FAM241A: variants seen among roughly 807,000 people sequenced by gnomAD.
The protein encoded by FAM241A is uncharacterized protein FAM241A.
A neutral mutation model predicts 12.2 loss-of-function variants in FAM241A; 7 were observed. The ratio of observed to expected loss-of-function variants is 0.58; its 90% CI spans 0.33 to 1.08. The LOEUF is 1.08. Among genes scored for constraint, FAM241A ranks in the 50% least tolerant of loss-of-function variants. The pLI, the probability that FAM241A is intolerant of heterozygous loss-of-function variation, is 0.04. For missense variants in FAM241A, 161 were observed against 169.7 expected, an observed-to-expected ratio of 0.95 and a Z score of 0.29; for synonymous variants, 74 against 68.2, an observed-to-expected ratio of 1.08 and a Z score of -0.42.
At chr4:112,165,436 A>T (rs966118233) in intron 1 of FAM241A, among the ~76,000 whole-genome samples, 2 of 151,610 alleles carry the variant, frequency 1.3e-5, no homozygotes, top group Non-Finnish European at 2.9e-5. Flanking sequence ...TTAGTATCTC[A>T]AAGAGATATC....
At chr4:112,154,392 C>T (rs1006487386) in intron 1 of FAM241A, among the ~76,000 whole-genome samples, 4 of 152,066 alleles carry the variant, frequency 2.6e-5, no homozygotes, top group African/African-American at 7.2e-5. Flanking sequence ...CTCAGGCTAC[C>T]GAGTTCCTGG....
At chr4:112,180,529 G>T (rs1723912679) in intron 1 of FAM241A, among the ~76,000 whole-genome samples, 1 of 151,996 alleles carries the variant, frequency 6.6e-6, no homozygotes, top group South Asian at 2.1e-4. Flanking sequence ...TTATACCAGT[G>T]TTTCTCAAAA....
chr4:112,174,776 A>T (rs561261736), intron 1 of FAM241A, among the ~76,000 whole-genome samples: 1 of 152,324 alleles, frequency 6.6e-6, no homozygotes, highest in South Asian at 2.1e-4. Flanking sequence ...AGCATTCTCC[A>T]TGCTGTACAT....
At chr4:112,155,806 T>C (rs1018255701) in intron 1 of FAM241A, among the ~76,000 whole-genome samples, 2 of 152,168 alleles carry the variant, frequency 1.3e-5, no homozygotes, top group African/African-American at 4.8e-5. Context: ...TATATTTGGC[T>C]ATATGAGATA....
chr4:112,187,066 T>A lies in FAM241A; in HGVS notation c.*128T>A. ...AATCATGTGCTGGCTGTTTTGTAAG[T>A]AAATTTATACATGGATGTCACTTAA... On this transcript the variant is annotated 3_prime_UTR_variant, in exon 2 of 2. Transcript: ENST00000309733. 2.0e-6 allele frequency: 2 copies of A among 1,008,004 alleles called. No individual in the cohort carries two copies. Among genetic ancestry groups the A allele is most frequent in the Non-Finnish European group, 2.9e-6 (2 of 678,728 alleles). The allele number at this position is 1,008,004 out of a possible 1,614,324, so 62.4% of individuals were successfully genotyped here.
chr4:112,192,734 T>C lies in FAM241A; in HGVS notation c.*5796T>C, dbSNP rs1249103902. On this transcript the variant is annotated 3_prime_UTR_variant, in exon 2 of 2. Transcript: ENST00000309733. ...GTGTATATGTGCCACATTTTCTTAATCCAGTCTATCATTGTTGGACATTTG... is the reference window on the plus strand; with the variant it reads ...GTGTATATGTGCCACATTTTCTTAACCCAGTCTATCATTGTTGGACATTTG... 6.6e-6 allele frequency: 1 copy of C among 150,974 alleles called. No individual in the cohort carries two copies. Among genetic ancestry groups the C allele is most frequent in the Non-Finnish European group, 1.5e-5 (1 of 67,628 alleles). The allele number at this position is 150,974 out of a possible 1,614,324, so 9.4% of individuals were successfully genotyped here. A position where few individuals can be genotyped will look rare whatever the true frequency, so the allele number is the denominator to read the frequency against.
rs1056121425 is a variant in FAM241A, at chr4:112,191,610, A to G, written c.*4672A>G. 6.6e-6 allele frequency: 1 copy of G among 151,802 alleles called. No individual in the cohort carries two copies. Among genetic ancestry groups the G allele is most frequent in the Non-Finnish European group, 1.5e-5 (1 of 68,072 alleles). The allele number at this position is 151,802 out of a possible 1,614,324, so 9.4% of individuals were successfully genotyped here. A position where few individuals can be genotyped will look rare whatever the true frequency, so the allele number is the denominator to read the frequency against. ...CTTTCTTACTTCCAGAACTTTGTAC[A>G]TGCTTTACTTCTTTAACTGCTCCCT... On this transcript the variant is annotated 3_prime_UTR_variant, in exon 2 of 2. Transcript: ENST00000309733.
chr4:112,172,126 A>G (rs1276691849), intron 1 of FAM241A, among the ~76,000 whole-genome samples: 3 of 152,250 alleles, frequency 2.0e-5, no homozygotes, highest in African/African-American at 4.8e-5. Context: ...ACTAAATTAC[A>G]TAATCTCTCT....
chr4:112,148,664 G>A (rs1208215685), intron 1 of FAM241A, among the ~76,000 whole-genome samples: 3 of 152,162 alleles, frequency 2.0e-5, no homozygotes, highest in Non-Finnish European at 1.5e-5. Flanking sequence ...CAATTTCAGG[G>A]AATGTCCAAG....
At position 112,189,320 on chromosome 4, in the gene FAM241A, G is replaced by A. The variant is rs190856366; in HGVS notation, c.*2382G>A. 1.7e-3 allele frequency: 238 copies of A among 140,736 alleles called. 1 individual carries two copies. The highest frequency in any genetic ancestry group is 0.015 in the Admixed American group (200 of 13,016). The allele number at this position is 140,736 out of a possible 1,614,324, so 8.7% of individuals were successfully genotyped here. On this transcript the variant is annotated 3_prime_UTR_variant, in exon 2 of 2. Transcript: ENST00000309733. ...GAATGGCGTGAACCCGGGAGGCAGA[G>A]CTTGCAGTGAGCACTCCAGCACTCT...
intron 1 of FAM241A, among the ~76,000 whole-genome samples, chr4:112,147,136 T>A (rs879054670): frequency 3.3e-4 from 51 of 152,386 alleles, no homozygotes; most frequent in Admixed American, 1.6e-3. Context: ...TTAGTATGAT[T>A]ATGTAGACAT....
rs536812081 is a variant in FAM241A, at chr4:112,169,263, C to T, written c.154-17430C>T. Among the ~76,000 whole-genome samples, 9 of 152,108 alleles carry T rather than the reference C, an allele frequency of 5.9e-5. No individual in the cohort carries two copies. The East Asian group carries it at 7.7e-4, about 13-fold the overall frequency. On this transcript the variant is annotated intron_variant, in intron 1 of 1. Coordinates refer to ENST00000309733, the MANE Select transcript of FAM241A (RefSeq NM_152400.3). Reference sequence around the variant, plus strand: ...TAGTGCCTCAGATTCTTTCTGGTGCCGCTGATTTTGAATATTATTGCTTTT... The same window carrying T: ...TAGTGCCTCAGATTCTTTCTGGTGCTGCTGATTTTGAATATTATTGCTTTT...
chr4:112,186,652 CA>C (rs1328068718), intron 1 of FAM241A, 40 bp from the exon 2 acceptor site: 1 of 1,562,010 alleles, frequency 6.4e-7, no homozygotes, highest in East Asian at 2.2e-5. Flanking sequence ...ACATATTTCT[CA>C]TGTTATGTTC....
intron 1 of FAM241A, among the ~76,000 whole-genome samples, chr4:112,183,755 C>T (rs1253091328): frequency 1.3e-5 from 2 of 151,778 alleles, no homozygotes; most frequent in Non-Finnish European, 2.9e-5. Context: ...GAAACAGTAT[C>T]AACATGCTGA....
intron 1 of FAM241A, among the ~76,000 whole-genome samples, chr4:112,175,828 A>G (rs987218583): frequency 2.0e-5 from 3 of 152,086 alleles, no homozygotes; most frequent in Non-Finnish European, 1.5e-5. Flanking sequence ...GGGAATGGAG[A>G]CATCTTCAAC....
chr4:112,162,272 C>G (rs1339287460), intron 1 of FAM241A, among the ~76,000 whole-genome samples: 1 of 152,206 alleles, frequency 6.6e-6, no homozygotes, highest in African/African-American at 2.4e-5. Flanking sequence ...CCCTCTCTCA[C>G]CACTCCTATT....
chr4:112,178,569 A>C (rs534362090), intron 1 of FAM241A, among the ~76,000 whole-genome samples: 2 of 152,326 alleles, frequency 1.3e-5, no homozygotes, highest in East Asian at 3.9e-4. Context: ...CCTTCTCAAC[A>C]TCGGCCTTGG....
chr4:112,166,598 A>G (rs1011513084), intron 1 of FAM241A, among the ~76,000 whole-genome samples: 3 of 152,064 alleles, frequency 2.0e-5, no homozygotes, highest in African/African-American at 7.2e-5. Context: ...TGAGCTCAGA[A>G]TTTGTTGTCA....
intron 1 of FAM241A, among the ~76,000 whole-genome samples, chr4:112,156,205 C>G (rs1723349886): frequency 1.3e-5 from 2 of 152,144 alleles, no homozygotes; most frequent in African/African-American, 4.8e-5. Context: ...CAGTCACGAT[C>G]ACTGCAGTAG....
Sources: gnomAD v4.1 joint callset for allele counts (sites outside exome capture counted in the v4.1 genomes callset) on GRCh38, gnomAD v4.1.1 for gene constraint, MANE v1.5 for transcripts, NCBI Gene and HGNC (gene_info 2026-07-23, HGNC 2026-07-21) for gene names.